Variants in PARD6G observed in about 807,000 individuals in gnomAD.
PARD6G encodes the protein par-6 family cell polarity regulator gamma, also known as partitioning defective 6 homolog gamma.
Under a neutral mutation model 10.7 loss-of-function variants are expected in PARD6G, and 7 were observed. That is an observed-to-expected ratio of 0.66 (90% CI 0.37 to 1.23). The LOEUF (loss-of-function observed/expected upper bound fraction) is 1.23. Among genes scored for constraint, PARD6G ranks in the 50% most tolerant of loss-of-function variants. PARD6G has a pLI of 0.02. For missense variants in PARD6G, 548 were observed against 571.8 expected (o/e 0.96, Z 0.42); for synonymous variants, 287 against 269.4 (o/e 1.07, Z -0.64).
rs201373415 is a variant in PARD6G at position 80,195,548 on chromosome 18, CATATATATATATATAT to C, written c.295+7146_295+7161del. On this transcript the variant is annotated intron_variant, in intron 2 of 2. Coordinates refer to ENST00000353265, the MANE Select transcript of PARD6G (RefSeq NM_032510.4). ...CACACAATAAGAGTCTTCAAAGATA[CATATATATATATATAT>C]ATATATATACACACATTTTTTTTTC... Among the ~76,000 whole-genome samples the C allele has an allele frequency of 8.5e-5, 7 of 82,214 alleles. 1 individual carries two copies. Among genetic ancestry groups the C allele is most frequent in the Admixed American group, 6.2e-4 (4 of 6,490 alleles). The allele number at this position is 82,214 out of a possible 152,430, so 53.9% of individuals were successfully genotyped here.
intron 1 of PARD6G, among the ~76,000 whole-genome samples, chr18:80,214,306 A>T (rs1339890785): frequency 6.6e-6 from 1 of 151,978 alleles, no homozygotes; most frequent in African/African-American, 2.4e-5. Flanking sequence ...AAAAACATAA[A>T]GACCAAAAAT....
At chr18:80,164,650 C>G (rs2052723175) in intron 2 of PARD6G, among the ~76,000 whole-genome samples, 1 of 152,152 alleles carries the variant, frequency 6.6e-6, no homozygotes, top group South Asian at 2.1e-4. Context: ...GGGGAACCTG[C>G]CCCCAATATT....
chr18:80,240,982 T>C (rs1967483623), intron 1 of PARD6G, among the ~76,000 whole-genome samples: 1 of 152,176 alleles, frequency 6.6e-6, no homozygotes, highest in African/African-American at 2.4e-5. Flanking sequence ...AACAAATGTA[T>C]GGATAAGATC....
In PARD6G at chr18:80,160,539, C is replaced by T; in HGVS notation, c.363G>A (p.Leu121=). 6.7e-7 allele frequency: 1 copy of T among 1,494,656 alleles called. No individual in the cohort carries two copies. Among genetic ancestry groups the T allele is most frequent in the East Asian group, 2.4e-5 (1 of 41,846 alleles). The allele number at this position is 1,494,656 out of a possible 1,614,324, so 92.6% of individuals were successfully genotyped here. A position where few individuals can be genotyped will look rare whatever the true frequency, so the allele number is the denominator to read the frequency against. ...CACGCCGCCGGGGTCCTTCATCACG[C>T]AGCGCGCCCAGCGCCCGCCTCCGCC... ...LCRRRRALGA[L]RDEGPRRRAH... The change falls in exon 3 of 3, where the codon CTG becomes CTA. Residue 121 remains leucine, a synonymous_variant. Coordinates refer to ENST00000353265, the MANE Select transcript of PARD6G (RefSeq NM_032510.4).
chr18:80,160,129 C>G lies in PARD6G; in HGVS notation c.773G>C (p.Arg258Pro). 2.5e-6 allele frequency: 4 copies of G among 1,612,662 alleles called. No individual in the cohort carries two copies. Among genetic ancestry groups the G allele is most frequent in the Non-Finnish European group, 3.4e-6 (4 of 1,179,542 alleles). The change falls in exon 3 of 3, where the codon CGC becomes CCC. Residue 258 changes from arginine to proline, a missense_variant. Around this residue, in one of 2 missense-constraint regions of PARD6G, gnomAD observed 313 missense variants for 279.9 expected, o/e 1.12. Transcript: ENST00000353265. Reference sequence around the variant, plus strand: ...CGAGCTGCCCAACGCGCGGCCGCCGCGCACCACGTTGTTGCGCTGGTTGGC... The same window carrying G: ...CGAGCTGCCCAACGCGCGGCCGCCGGGCACCACGTTGTTGCGCTGGTTGGC... Reference protein sequence around the residue: ...KPANQRNNVVRGGRALGSSGP... With the variant: ...KPANQRNNVVPGGRALGSSGP...
Position 80,207,994 on chromosome 18 carries a change from G to T in PARD6G, c.73-5062C>A, listed in dbSNP as rs192549360. Among the ~76,000 whole-genome samples, 349 of 152,236 alleles carry T rather than the reference G, an allele frequency of 2.3e-3. 1 individual carries two copies. Among genetic ancestry groups the T allele is most frequent in the Middle Eastern group, 6.8e-3 (2 of 294 alleles). On this transcript the variant is annotated intron_variant, in intron 1 of 2. Coordinates refer to ENST00000353265, the MANE Select transcript of PARD6G (RefSeq NM_032510.4). ...AGAAAAGTGGCAAAAATAAGAGTCT[G>T]TTTATCCTATTTTAAAATGCATGAT...
chr18:80,177,218 G>GCGCACACACACACA (rs1555734815), intron 2 of PARD6G, among the ~76,000 whole-genome samples: 1 of 98,784 alleles, frequency 1.0e-5, no homozygotes, highest in Non-Finnish European at 1.8e-5. Context: ...AATGGGAAGC[G>GCGCACACACACACA]CACACACACA....
Position 80,231,743 on chromosome 18 carries a change from C to T in PARD6G, c.72+15534G>A, listed in dbSNP as rs1255763761. ...CTCCAGCCAATGGGAGCAATTCACT[C>T]GCTCAACTTGCTCACCAAGCTGTTT... On this transcript the variant is annotated intron_variant, in intron 1 of 2. Coordinates refer to ENST00000353265, the MANE Select transcript of PARD6G (RefSeq NM_032510.4). This position sits in a 1 kb window ranked among gnomAD's most constrained non-coding sequence, Gnocchi z 4.2. Among the ~76,000 whole-genome samples, 2 of 152,124 alleles carry T rather than the reference C, an allele frequency of 1.3e-5. No individual in the cohort carries two copies. The highest frequency in any genetic ancestry group is 1.9e-4 in the East Asian group (1 of 5,192).
rs185317050 is a variant in PARD6G at position 80,177,010 on chromosome 18, C to A, written c.296-16404G>T. Among the ~76,000 whole-genome samples, 8 of 117,838 alleles carry A rather than the reference C, an allele frequency of 6.8e-5. No individual in the cohort carries two copies. In the East Asian group the frequency reaches 2.0e-3, roughly 30 times the overall value. The allele number at this position is 117,838 out of a possible 152,430, so 77.3% of individuals were successfully genotyped here. A position where few individuals can be genotyped will look rare whatever the true frequency, so the allele number is the denominator to read the frequency against. Reference sequence around the variant, plus strand: ...TAAATCACAGCCCAAAAGAGAAGCACGTGCGCGCGCGCGTGCACACACACA... The same window carrying A: ...TAAATCACAGCCCAAAAGAGAAGCAAGTGCGCGCGCGCGTGCACACACACA... On this transcript the variant is annotated intron_variant, in intron 2 of 2. Coordinates refer to ENST00000353265, the MANE Select transcript of PARD6G (RefSeq NM_032510.4).
chr18:80,226,824 C>T (rs1229086517), intron 1 of PARD6G, among the ~76,000 whole-genome samples: 2 of 152,148 alleles, frequency 1.3e-5, no homozygotes, highest in Non-Finnish European at 2.9e-5. Context: ...CTCCCAGACC[C>T]CAAGCAGCCA....
intron 2 of PARD6G, among the ~76,000 whole-genome samples, chr18:80,195,877 GA>G (rs1317857599): frequency 1.0e-4 from 12 of 118,184 alleles, no homozygotes; most frequent in Admixed American, 4.6e-4. Flanking sequence ...TCCATCTCAA[GA>G]AAAAAAAAAG....
At position 80,165,996 on chromosome 18, in the gene PARD6G, C is replaced by T. The variant is rs200714800; in HGVS notation, c.296-5390G>A. ...AGTAGGGAGACTGAGGCAGCAGAAT[C>T]GCTTCCAGACAGCGGAGGCTGCAGT... On this transcript the variant is annotated intron_variant, in intron 2 of 2. Transcript: ENST00000353265. Among the ~76,000 whole-genome samples the T allele has an allele frequency of 5.3e-5, 8 of 152,204 alleles. No homozygotes were observed. In the East Asian group the frequency reaches 7.7e-4, roughly 15 times the overall value.
rs2052841174 is a variant in PARD6G at position 80,180,249 on chromosome 18, A to C, written c.296-19643T>G. Among the ~76,000 whole-genome samples, 1 of 152,182 alleles carries C rather than the reference A, an allele frequency of 6.6e-6. No individual in the cohort carries two copies. Among genetic ancestry groups the C allele is most frequent in the African/African-American group, 2.4e-5 (1 of 41,456 alleles). Reference sequence around the variant, plus strand: ...CTCAGCAGCCCAGGTGGCAGAGGGGACAAGGAGCGCCTGCTACCTGAGGCC... The same window carrying C: ...CTCAGCAGCCCAGGTGGCAGAGGGGCCAAGGAGCGCCTGCTACCTGAGGCC... On this transcript the variant is annotated intron_variant, in intron 2 of 2. Transcript: ENST00000353265. This position sits in a 1 kb window ranked among gnomAD's most constrained non-coding sequence, Gnocchi z 5.6.
intron 2 of PARD6G, among the ~76,000 whole-genome samples, chr18:80,191,544 A>G (rs1966897070): frequency 6.6e-6 from 1 of 152,222 alleles, no homozygotes; most frequent in Admixed American, 6.5e-5. Flanking sequence ...GCCACAGATG[A>G]TAGATTGCAG....
intron 1 of PARD6G, among the ~76,000 whole-genome samples, chr18:80,242,158 G>A (rs1007806059): frequency 6.6e-6 from 1 of 151,814 alleles, no homozygotes; most frequent in African/African-American, 2.4e-5. Context: ...TGCCCCCCAG[G>A]CTGACTCTGC....
In PARD6G at chr18:80,218,167, C is replaced by G. The variant is rs1374410991; in HGVS notation, c.73-15235G>C. On this transcript the variant is annotated intron_variant, in intron 1 of 2. Coordinates refer to ENST00000353265, the MANE Select transcript of PARD6G (RefSeq NM_032510.4). ...ATGTCCTCACATTTCTAAACACAAT[C>G]ATACCCTTCCAACAGTCCCCCAAAG... Among the ~76,000 whole-genome samples the G allele has an allele frequency of 5.9e-5, 9 of 152,142 alleles. No homozygotes were observed. The East Asian group carries it at 1.5e-3, about 26-fold the overall frequency.
chr18:80,168,286 C>T (rs1329290053), intron 2 of PARD6G, among the ~76,000 whole-genome samples: 1 of 152,124 alleles, frequency 6.6e-6, no homozygotes, highest in Non-Finnish European at 1.5e-5. Context: ...GACAACAATC[C>T]GTTTCTCCAT....
At chr18:80,209,455 C>T (rs1044449090) in intron 1 of PARD6G, among the ~76,000 whole-genome samples, 1 of 152,150 alleles carries the variant, frequency 6.6e-6, no homozygotes, top group African/African-American at 2.4e-5. Context: ...GGGGAGATTT[C>T]ATCTTTTAAA....
At chr18:80,203,843 C>T (rs1203704435) in intron 1 of PARD6G, among the ~76,000 whole-genome samples, 2 of 152,144 alleles carry the variant, frequency 1.3e-5, no homozygotes, top group Non-Finnish European at 2.9e-5. Context: ...CAGAAGTAGA[C>T]ATGAAATTGC....
Sources: gnomAD v4.1 joint callset for allele counts (sites outside exome capture counted in the v4.1 genomes callset) on GRCh38, gnomAD v4.1.1 for gene constraint, gnomAD v4.1.1 regional missense constraint, Gnocchi (gnomAD v3.1) non-coding constraint, MANE v1.5 for transcripts, NCBI Gene and HGNC (gene_info 2026-07-23, HGNC 2026-07-21) for gene names.